Variants in LRP1B observed in about 807,000 individuals in gnomAD.
LRP1B encodes LDL receptor related protein 1B.
Under a neutral mutation model 556.6 loss-of-function variants are expected in LRP1B, and 217 were observed. The observed-to-expected ratio is 0.39, with a 90% confidence interval of 0.35 to 0.44. The LOEUF (loss-of-function observed/expected upper bound fraction) is 0.44. Among genes scored for constraint, LRP1B ranks in the 20% least tolerant of loss-of-function variants. The pLI is 1.00. For missense variants in LRP1B, 5,053 were observed against 5,620.8 expected (o/e 0.90, Z 3.23); for synonymous variants, 2,047 against 1,865.8 (o/e 1.10, Z -2.50).
intron 3 of LRP1B, among the ~76,000 whole-genome samples, chr2:141,310,062 C>A (rs1339205900): frequency 3.3e-5 from 5 of 151,976 alleles, no homozygotes; most frequent in Non-Finnish European, 7.4e-5. Context: ...GAGAGAGTAC[C>A]TTTCCAAAAG....
chr2:141,634,049 A>C (rs1246266586), intron 2 of LRP1B, among the ~76,000 whole-genome samples: 1 of 151,198 alleles, frequency 6.6e-6, no homozygotes, highest in Non-Finnish European at 1.5e-5. Flanking sequence ...TTTTTTTTTC[A>C]ATTTTAACTT....
At chr2:141,561,345 A>G (rs1048214176) in intron 2 of LRP1B, among the ~76,000 whole-genome samples, 3 of 151,816 alleles carry the variant, frequency 2.0e-5, no homozygotes, top group Non-Finnish European at 4.4e-5. Flanking sequence ...CAATAGATTA[A>G]TATTACAGAG....
rs537116520 is a variant in LRP1B, at chr2:141,055,324, A to G, written c.1409-65T>C. 2.1e-5 allele frequency: 32 copies of G among 1,532,760 alleles called. 1 individual carries two copies. The South Asian group carries it at 3.5e-4, about 17-fold the overall frequency. The allele number at this position is 1,532,760 out of a possible 1,614,324, so 94.9% of individuals were successfully genotyped here. On this transcript the variant is annotated intron_variant, in intron 9 of 90. Transcript: ENST00000389484. ...CAAAGATAAGATAACTATGTGCATC[A>G]GTATGTCAAAATTTCTATAGTGTAA...
intron 83 of LRP1B, among the ~76,000 whole-genome samples, chr2:140,313,919 T>C (rs1317455473): frequency 6.6e-6 from 1 of 151,964 alleles, no homozygotes; most frequent in Non-Finnish European, 1.5e-5. Flanking sequence ...AATTTCATTA[T>C]GAATTAATAA....
intron 47 of LRP1B, 56 bp downstream of exon 47, chr2:140,533,965 A>G: frequency 6.3e-7 from 1 of 1,595,328 alleles, no homozygotes; most frequent in African/African-American, 1.3e-5. Context: ...ATGTTGGAAA[A>G]GTTCAGGAAA....
intron 21 of LRP1B, among the ~76,000 whole-genome samples, chr2:140,908,638 G>A (rs748371939): frequency 5.3e-5 from 8 of 151,494 alleles, no homozygotes; most frequent in Non-Finnish European, 1.2e-4. Context: ...CCTTTCATAA[G>A]AGAATATCAA....
rs35591904 is a variant in LRP1B at position 140,822,652 on chromosome 2, G to T, written c.5210-8846C>A. On this transcript the variant is annotated intron_variant, in intron 31 of 90. Coordinates refer to ENST00000389484, the MANE Select transcript of LRP1B (RefSeq NM_018557.3). The stretch of plus-strand genomic sequence containing the variant: ...GCTGCTTAGAAAAGTCAACTGCTGT[G>T]TCCTAACTGGGTCCACATTTCTTAG... Among the ~76,000 whole-genome samples, 1,486 of 152,276 alleles carry T rather than the reference G, an allele frequency of 9.8e-3. 13 individuals are homozygous for T. Among genetic ancestry groups the T allele is most frequent in the Non-Finnish European group, 0.014 (982 of 68,010 alleles).
chr2:141,809,588 A>C (rs1196967942), intron 2 of LRP1B, among the ~76,000 whole-genome samples: 2 of 152,098 alleles, frequency 1.3e-5, no homozygotes, highest in Non-Finnish European at 1.5e-5. Context: ...ATTATTTATA[A>C]TTTGTTATAG....
chr2:140,257,017 T>C (rs547895758), intron 86 of LRP1B, among the ~76,000 whole-genome samples: 2 of 152,186 alleles, frequency 1.3e-5, no homozygotes, highest in African/African-American at 2.4e-5. Context: ...TTTAACATGA[T>C]GGCTTTTTCT....
intron 1 of LRP1B, among the ~76,000 whole-genome samples, chr2:141,886,823 T>A (rs1035815469): frequency 2.0e-5 from 3 of 152,172 alleles, no homozygotes; most frequent in Non-Finnish European, 4.4e-5. Flanking sequence ...ATTGTTCAAC[T>A]CGATAGTGCT....
intron 3 of LRP1B, among the ~76,000 whole-genome samples, chr2:141,265,913 A>G (rs1157664581): frequency 2.0e-5 from 3 of 152,218 alleles, no homozygotes; most frequent in Non-Finnish European, 4.4e-5. Flanking sequence ...GTGACTATCC[A>G]GCCAGAGACT....
chr2:140,523,987 G>A (rs1041635314), intron 49 of LRP1B, among the ~76,000 whole-genome samples: 6 of 151,634 alleles, frequency 4.0e-5, no homozygotes, highest in South Asian at 2.1e-4. Flanking sequence ...TTCATTAAAC[G>A]AAAGAGCTTC....
rs370103970 is a variant in LRP1B at position 141,602,204 on chromosome 2, T to A, written c.206-121671A>T. Reference sequence around the variant, plus strand: ...GTCTCTGAATAGTCTTCAGTGCTTCTCTCTGCAATAGTATTCTGAGAAACA... The same window carrying A: ...GTCTCTGAATAGTCTTCAGTGCTTCACTCTGCAATAGTATTCTGAGAAACA... On this transcript the variant is annotated intron_variant, in intron 2 of 90. Transcript: ENST00000389484. 5.3e-5 allele frequency among the ~76,000 whole-genome samples: 8 copies of A among 152,292 alleles called. No homozygotes were observed. The South Asian group carries it at 1.4e-3, about 28-fold the overall frequency.
intron 66 of LRP1B, among the ~76,000 whole-genome samples, chr2:140,425,808 A>T (rs1261242943): frequency 6.6e-6 from 1 of 151,698 alleles, no homozygotes; most frequent in African/African-American, 2.4e-5. Flanking sequence ...TAGCTCTCAT[A>T]GGGTTGTTGT....
intron 35 of LRP1B, among the ~76,000 whole-genome samples, chr2:140,742,273 G>C (rs1688167439): frequency 1.3e-5 from 2 of 152,166 alleles, no homozygotes; most frequent in Non-Finnish European, 2.9e-5. Context: ...ATTATTGAAA[G>C]TTATGGAAAG....
At chr2:141,625,244 C>T (rs953698996) in intron 2 of LRP1B, among the ~76,000 whole-genome samples, 1 of 152,062 alleles carries the variant, frequency 6.6e-6, no homozygotes, top group African/African-American at 2.4e-5. Flanking sequence ...CAATACAATG[C>T]CAACATGATT....
At chr2:141,949,484 G>A (rs1299565487) in intron 1 of LRP1B, among the ~76,000 whole-genome samples, 2 of 152,124 alleles carry the variant, frequency 1.3e-5, no homozygotes, top group Non-Finnish European at 2.9e-5. Flanking sequence ...TCTGCCTCCT[G>A]GGTTCAAGCA....
chr2:140,537,966 T>C (rs1348825219), intron 45 of LRP1B, among the ~76,000 whole-genome samples: 2 of 152,128 alleles, frequency 1.3e-5, no homozygotes, highest in Admixed American at 1.3e-4. Flanking sequence ...ACTCACCCCA[T>C]TGCTTGCTGA....
chr2:141,815,207 G>T (rs977051205), intron 1 of LRP1B, among the ~76,000 whole-genome samples: 2 of 152,150 alleles, frequency 1.3e-5, no homozygotes, highest in Admixed American at 6.6e-5. Flanking sequence ...TGAAGAAAAA[G>T]GATGGAAAAA....
Sources: allele counts gnomAD v4.1 joint callset (sites outside exome capture counted in the v4.1 genomes callset), GRCh38; gene constraint gnomAD v4.1.1; transcripts MANE v1.5; gene names NCBI Gene and HGNC (gene_info 2026-07-23, HGNC 2026-07-21).